FOXP1: variants seen among roughly 807,000 people sequenced by gnomAD.
FOXP1 encodes the protein forkhead box P1.
Under a neutral mutation model 98.2 loss-of-function variants are expected in FOXP1, and 15 were observed. That is an observed-to-expected ratio of 0.15 (90% CI 0.10 to 0.24). The LOEUF is 0.24. Among genes scored for constraint, FOXP1 ranks in the 10% least tolerant of loss-of-function variants. The pLI, the probability that FOXP1 is intolerant of heterozygous loss-of-function variation, is 1.00. For synonymous variants in FOXP1, 371 were observed against 314.5 expected, an observed-to-expected ratio of 1.18 and a Z score of -1.90; for missense variants, 633 against 848.5, an observed-to-expected ratio of 0.75 and a Z score of 3.15.
intron 3 of FOXP1, among the ~76,000 whole-genome samples, chr3:71,390,648 C>T (rs1229049619): frequency 6.6e-6 from 1 of 152,028 alleles, no homozygotes; most frequent in Non-Finnish European, 1.5e-5. Flanking sequence ...CTCCAAAAAG[C>T]GAAAGGTTTA....
chr3:71,037,483 T>C (rs1400019177), intron 11 of FOXP1, among the ~76,000 whole-genome samples: 1 of 152,140 alleles, frequency 6.6e-6, no homozygotes, highest in Non-Finnish European at 1.5e-5. Context: ...GGCCTGAGTT[T>C]TGTCTGTTTC....
chr3:71,195,586 G>A (rs2063246525), intron 6 of FOXP1, among the ~76,000 whole-genome samples: 1 of 152,168 alleles, frequency 6.6e-6, no homozygotes, highest in African/African-American at 2.4e-5. Flanking sequence ...AATCAAAGCT[G>A]TAACCCCTGT....
chr3:71,150,811 A>C (rs569050877), intron 6 of FOXP1, among the ~76,000 whole-genome samples: 1 of 152,190 alleles, frequency 6.6e-6, no homozygotes, highest in African/African-American at 2.4e-5. Flanking sequence ...TTCAACGTTA[A>C]GTATGTGGCA....
At chr3:71,493,666 C>T (rs1309653530) in intron 2 of FOXP1, 111 bp from the exon 3 acceptor site, 1 of 152,122 alleles carries the variant, frequency 6.6e-6, no homozygotes, top group Non-Finnish European at 1.5e-5. Context: ...GGGAAAACAC[C>T]GTTCAAGCCA....
At chr3:71,428,023 G>A (rs144572604) in intron 3 of FOXP1, among the ~76,000 whole-genome samples, 2 of 152,328 alleles carry the variant, frequency 1.3e-5, no homozygotes, top group African/African-American at 4.8e-5. Context: ...GAGTGGAACT[G>A]GGAGAGAGGA....
chr3:71,309,365 C>T (rs1485716361), intron 4 of FOXP1, among the ~76,000 whole-genome samples: 4 of 151,836 alleles, frequency 2.6e-5, no homozygotes, highest in African/African-American at 7.3e-5. Flanking sequence ...TATGAACACA[C>T]TGTTGACTTC....
intron 3 of FOXP1, among the ~76,000 whole-genome samples, chr3:71,475,090 C>T (rs1217600521): frequency 1.3e-5 from 2 of 152,072 alleles, no homozygotes; most frequent in Non-Finnish European, 2.9e-5. Context: ...CTGCAGGCAG[C>T]CCTCACATCC....
At position 70,977,824 on chromosome 3, in the gene FOXP1, C is replaced by G; in HGVS notation, c.1348+4G>C. On this transcript the variant is annotated splice_donor_region_variant and intron_variant, in intron 15 of 20. Coordinates refer to ENST00000649528, the MANE Select transcript of FOXP1 (RefSeq NM_001349338.3). ...CTACGTGAGGCAAAAGGTGGAGTAT[C>G]TACCTGACGAAATGGGCACGTTGTA... 1 of 1,614,068 alleles carries G rather than the reference C, an allele frequency of 6.2e-7. No homozygotes were observed. The highest frequency in any genetic ancestry group is 8.5e-7 in the Non-Finnish European group (1 of 1,179,920).
chr3:71,274,779 G>A (rs1399303800), intron 5 of FOXP1, among the ~76,000 whole-genome samples: 6 of 152,124 alleles, frequency 3.9e-5, no homozygotes, highest in Non-Finnish European at 7.4e-5. Flanking sequence ...TTATCACTGG[G>A]TTTCTAAAAT....
chr3:71,088,147 C>A (rs1198961167), intron 7 of FOXP1, among the ~76,000 whole-genome samples: 1 of 152,186 alleles, frequency 6.6e-6, no homozygotes, highest in Non-Finnish European at 1.5e-5. Flanking sequence ...GAAAGAGCAA[C>A]CAAGCTTGTT....
At chr3:70,980,546 C>A (rs370743185) in intron 14 of FOXP1, among the ~76,000 whole-genome samples, 1 of 152,180 alleles carries the variant, frequency 6.6e-6, no homozygotes, top group African/African-American at 2.4e-5. Flanking sequence ...ATTCCCAACC[C>A]AGACCCAAGG....
intron 4 of FOXP1, among the ~76,000 whole-genome samples, chr3:71,353,730 G>A (rs564869767): frequency 2.0e-5 from 3 of 152,256 alleles, no homozygotes; most frequent in South Asian, 4.1e-4. Flanking sequence ...ATTCTTGTCC[G>A]CTAGAAAGTC....
At chr3:71,325,950 C>T (rs1043056462) in intron 4 of FOXP1, among the ~76,000 whole-genome samples, 5 of 152,090 alleles carry the variant, frequency 3.3e-5, no homozygotes, top group Admixed American at 1.3e-4. Flanking sequence ...GACTTTAACA[C>T]TTAGTGATAA....
intron 7 of FOXP1, among the ~76,000 whole-genome samples, chr3:71,096,181 T>C (rs914449732): frequency 1.3e-5 from 2 of 152,204 alleles, no homozygotes; most frequent in African/African-American, 4.8e-5. Context: ...AGAAGAAGGC[T>C]AGGGAATGAA....
rs1236266035 is a variant in FOXP1 at position 71,374,968 on chromosome 3, A to AT, written c.-167-15725dup. ...AGAAGACTACCTGGCCTTTCACTCT[A>AT]TAGCAAAGTGTATCTCCCTGCTACT... On this transcript the variant is annotated intron_variant, in intron 3 of 20. Coordinates refer to ENST00000649528, the MANE Select transcript of FOXP1 (RefSeq NM_001349338.3). Among the ~76,000 whole-genome samples, 5 of 152,330 alleles carry AT rather than the reference A, an allele frequency of 3.3e-5. No homozygotes were observed. The South Asian group carries it at 6.2e-4, about 19-fold the overall frequency.
intron 7 of FOXP1, among the ~76,000 whole-genome samples, chr3:71,071,577 C>A (rs1452420471): frequency 6.6e-6 from 1 of 152,070 alleles, no homozygotes; most frequent in East Asian, 1.9e-4. Context: ...TCTATAATTT[C>A]TTTTTTTCTT....
At chr3:71,315,803 AAGG>A (rs1031495670) in intron 4 of FOXP1, among the ~76,000 whole-genome samples, 7 of 152,354 alleles carry the variant, frequency 4.6e-5, no homozygotes, top group African/African-American at 1.4e-4. Flanking sequence ...CAGAGAACAG[AAGG>A]AGAAGTCATG....
Position 71,342,545 on chromosome 3 carries a change from T to C in FOXP1, c.-73+16605A>G, listed in dbSNP as rs530661376. Among the ~76,000 whole-genome samples the C allele has an allele frequency of 4.6e-5, 7 of 151,852 alleles. No individual in the cohort carries two copies. The South Asian group carries it at 8.4e-4, about 18-fold the overall frequency. On this transcript the variant is annotated intron_variant, in intron 4 of 20. Transcript: ENST00000649528. ...CCATCTCTACTAAAAATACAAAAAT[T>C]AGCCGGTCGTGGTGGCAGACTCCTG...
intron 4 of FOXP1, among the ~76,000 whole-genome samples, chr3:71,323,753 C>T (rs912916975): frequency 8.5e-5 from 13 of 152,154 alleles, no homozygotes; most frequent in Admixed American, 5.2e-4. Context: ...TAAATATTTC[C>T]GTAAAACTTC....
Sources: gnomAD v4.1 joint callset for allele counts (sites outside exome capture counted in the v4.1 genomes callset) on GRCh38, gnomAD v4.1.1 for gene constraint, MANE v1.5 for transcripts, NCBI Gene and HGNC (gene_info 2026-07-23, HGNC 2026-07-21) for gene names.